Variants in PAX5 observed in about 807,000 individuals in gnomAD.
PAX5 encodes paired box protein Pax-5.
PAX5 carries 9 observed loss-of-function variants against 43.7 expected under a neutral mutation model. The observed-to-expected ratio is 0.21, with a 90% confidence interval of 0.12 to 0.36. PAX5 has a LOEUF of 0.36. Among genes scored for constraint, PAX5 ranks in the 10% least tolerant of loss-of-function variants. The pLI, the probability that PAX5 is intolerant of heterozygous loss-of-function variation, is 1.00. For synonymous variants in PAX5, 228 were observed against 214.3 expected, an observed-to-expected ratio of 1.06 and a Z score of -0.56; for missense variants, 383 against 532.7, an observed-to-expected ratio of 0.72 and a Z score of 2.77.
chr9:37,022,762 A>G (rs931497410), intron 1 of PAX5, among the ~76,000 whole-genome samples: 1 of 152,238 alleles, frequency 6.6e-6, no homozygotes, highest in African/African-American at 2.4e-5. Flanking sequence ...AGGTGAGAGC[A>G]GGTCCCCAAA....
At chr9:36,867,855 C>T (rs1282857816) in intron 8 of PAX5, among the ~76,000 whole-genome samples, 1 of 152,142 alleles carries the variant, frequency 6.6e-6, no homozygotes, top group Admixed American at 6.5e-5. Context: ...TCAGGGTCAC[C>T]GCATGGTTTT....
In PAX5 at chr9:36,840,629, G is replaced by A. The variant is rs768255155; in HGVS notation, c.1107C>T (p.Pro369=). 22 of 1,565,264 alleles carry A rather than the reference G, an allele frequency of 1.4e-5. No individual in the cohort carries two copies. Among genetic ancestry groups the A allele is most frequent in the Non-Finnish European group, 1.9e-5 (22 of 1,154,544 alleles). The change falls in exon 10 of 10, where the codon CCC becomes CCT. Residue 369 remains proline, a synonymous_variant. Transcript: ENST00000358127. ...CTCGGGCGGCAGCGCTATAATAGTA[G>A]GGGGAGCCTGGAAGAGACGGGAGAG... is the stretch of plus-strand genomic sequence containing the variant. ...RFPNPGLLGS[P]YYYSAAARGA...
At chr9:37,007,362 G>T (rs1233213746) in intron 3 of PAX5, 1 of 152,174 alleles carries the variant, frequency 6.6e-6, no homozygotes, top group African/African-American at 2.4e-5. Flanking sequence ...AAAGAAAAAA[G>T]ATCTTATGGA....
intron 7 of PAX5, among the ~76,000 whole-genome samples, chr9:36,896,749 C>G (rs1201814340): frequency 1.3e-5 from 2 of 152,230 alleles, no homozygotes; most frequent in African/African-American, 4.8e-5. Flanking sequence ...CCCTGCCCTG[C>G]CTCCCTCATG....
At chr9:36,939,927 C>A (rs1205487794) in intron 6 of PAX5, among the ~76,000 whole-genome samples, 3 of 152,246 alleles carry the variant, frequency 2.0e-5, no homozygotes, top group African/African-American at 7.2e-5. Flanking sequence ...ACCCTCCCCT[C>A]GACGCGGGGC....
chr9:36,996,890 G>A lies in PAX5; in HGVS notation c.604+5758C>T, dbSNP rs571855824. Among the ~76,000 whole-genome samples, 34 of 152,264 alleles carry A rather than the reference G, an allele frequency of 2.2e-4. 1 individual carries two copies. The South Asian group carries it at 6.8e-3, about 31-fold the overall frequency. ...AATGAGTGTGAGAGAAAGAGAAGAA[G>A]GAGAGGGAGAGAGAGAGTGTGTGTG... is the stretch of plus-strand genomic sequence containing the variant. On this transcript the variant is annotated intron_variant, in intron 5 of 9. Coordinates refer to ENST00000358127, the MANE Select transcript of PAX5 (RefSeq NM_016734.3).
chr9:37,022,850 G>C (rs1839971161), intron 1 of PAX5, among the ~76,000 whole-genome samples: 1 of 152,138 alleles, frequency 6.6e-6, no homozygotes, highest in Non-Finnish European at 1.5e-5. Flanking sequence ...GCTGACAACA[G>C]ACTTGGGGTG....
intron 6 of PAX5, among the ~76,000 whole-genome samples, chr9:36,941,111 C>G (rs1832011071): frequency 6.6e-6 from 1 of 152,214 alleles, no homozygotes; most frequent in Admixed American, 6.5e-5. Context: ...GATTAGCGTG[C>G]AAGGGCGTGG....
At chr9:37,027,086 A>T (rs1445371450) in intron 1 of PAX5, among the ~76,000 whole-genome samples, 1 of 152,174 alleles carries the variant, frequency 6.6e-6, no homozygotes, top group Non-Finnish European at 1.5e-5. Flanking sequence ...GGTCTCCGCC[A>T]GATCCTTTCT....
At chr9:36,866,074 A>C (rs999297133) in intron 8 of PAX5, among the ~76,000 whole-genome samples, 15 of 152,334 alleles carry the variant, frequency 9.8e-5, no homozygotes, top group Non-Finnish European at 1.8e-4. Context: ...AGGTGCCTCA[A>C]ATCCATTTTG....
chr9:36,965,561 G>A (rs773545633), intron 6 of PAX5, among the ~76,000 whole-genome samples: 9 of 152,310 alleles, frequency 5.9e-5, no homozygotes, highest in African/African-American at 1.7e-4. Flanking sequence ...CCAGCACCTC[G>A]CCTCTCCATG....
chr9:36,895,245 T>C (rs1827758401), intron 7 of PAX5, among the ~76,000 whole-genome samples: 2 of 152,222 alleles, frequency 1.3e-5, no homozygotes, highest in Non-Finnish European at 2.9e-5. Context: ...ACCCCATGCC[T>C]GTGTGTGCCG....
chr9:36,842,471 T>C (rs1414371178), intron 9 of PAX5, among the ~76,000 whole-genome samples: 1 of 152,132 alleles, frequency 6.6e-6, no homozygotes, highest in Non-Finnish European at 1.5e-5. Flanking sequence ...CACCCTGGAC[T>C]CTGACCCACT....
chr9:37,016,464 A>G (rs1414681034), intron 2 of PAX5, among the ~76,000 whole-genome samples: 1 of 152,230 alleles, frequency 6.6e-6, no homozygotes, highest in Non-Finnish European at 1.5e-5. Context: ...GGACATTTCC[A>G]TGCTATCAGC....
At chr9:36,845,937 C>T (rs907264929) in intron 9 of PAX5, among the ~76,000 whole-genome samples, 3 of 152,212 alleles carry the variant, frequency 2.0e-5, no homozygotes, top group African/African-American at 7.2e-5. Context: ...TCAGAGGGCC[C>T]TTCCATGTCT....
At chr9:36,904,536 C>T (rs1351755815) in intron 7 of PAX5, among the ~76,000 whole-genome samples, 1 of 151,850 alleles carries the variant, frequency 6.6e-6, no homozygotes, top group Non-Finnish European at 1.5e-5. Flanking sequence ...AGTTCTATGG[C>T]CTCACAGATA....
At chr9:36,846,003 A>G (rs1438281371) in intron 9 of PAX5, among the ~76,000 whole-genome samples, 2 of 152,094 alleles carry the variant, frequency 1.3e-5, no homozygotes, top group East Asian at 3.9e-4. Context: ...GGAGGGCTCC[A>G]TGTTGCTATC....
chr9:36,902,997 C>T (rs1292723927), intron 7 of PAX5, among the ~76,000 whole-genome samples: 2 of 152,212 alleles, frequency 1.3e-5, no homozygotes, highest in Non-Finnish European at 2.9e-5. Context: ...TGCTGGCCTG[C>T]CCCGGGACCT....
intron 3 of PAX5, 98 bp downstream of exon 3, chr9:37,014,897 GAA>G: frequency 8.8e-7 from 1 of 1,142,760 alleles, no homozygotes. Context: ...GGGCCTTGGT[GAA>G]AAAAGAGACC....
Sources: allele counts gnomAD v4.1 joint callset (sites outside exome capture counted in the v4.1 genomes callset), GRCh38; gene constraint gnomAD v4.1.1; transcripts MANE v1.5; gene names NCBI Gene and HGNC (gene_info 2026-07-23, HGNC 2026-07-21).